The following SEMA3D variants were observed in gnomAD, a reference collection of about 807,000 sequenced individuals.
SEMA3D encodes the protein semaphorin-3D.
SEMA3D carries 84 observed loss-of-function variants against 100.1 expected under a neutral mutation model. The observed-to-expected ratio is 0.84, with a 90% CI of 0.70 to 1.01. The LOEUF (loss-of-function observed/expected upper bound fraction) is 1.01, where lower values mean the gene tolerates loss of function less well. Among genes scored for constraint, SEMA3D ranks in the 50% least tolerant of loss-of-function variants. The pLI, the probability that SEMA3D is intolerant of heterozygous loss-of-function variation, is 0.00. For missense variants in SEMA3D, 875 were observed against 934.1 expected, an observed-to-expected ratio of 0.94 and a Z score of 0.82; for synonymous variants, 312 against 320.7, an observed-to-expected ratio of 0.97 and a Z score of 0.29.
intron 2 of SEMA3D, among the ~76,000 whole-genome samples, chr7:85,138,344 A>G (rs1359186730): frequency 6.6e-6 from 1 of 151,882 alleles, no homozygotes; most frequent in African/African-American, 2.4e-5. Context: ...GCTGGAGTAC[A>G]GTGGCACGAT....
chr7:85,150,269 A>C (rs866412957), intron 2 of SEMA3D, among the ~76,000 whole-genome samples: 49 of 149,738 alleles, frequency 3.3e-4, no homozygotes, highest in South Asian at 1.0e-3. Flanking sequence ...AGGTGTGATG[A>C]AAAAAATTTT....
intron 5 of SEMA3D, among the ~76,000 whole-genome samples, chr7:85,078,442 T>C (rs1787951671): frequency 6.6e-6 from 1 of 152,160 alleles, no homozygotes; most frequent in Admixed American, 6.5e-5. Context: ...GGACAGGCTG[T>C]GCCCCTCTGT....
intron 2 of SEMA3D, chr7:85,151,737 T>C: frequency 1.1e-6 from 1 of 934,650 alleles, no homozygotes; most frequent in South Asian, 4.9e-5. Flanking sequence ...ATATTTTCTG[T>C]TTAGTTCATC....
At chr7:85,005,557 T>A (rs367947334) in intron 18 of SEMA3D, among the ~76,000 whole-genome samples, 1 of 152,072 alleles carries the variant, frequency 6.6e-6, no homozygotes, top group Non-Finnish European at 1.5e-5. Context: ...ATGAAGAGAA[T>A]TATATTAAAT....
chr7:85,210,754 T>G, the SEMA3D span, among the ~76,000 whole-genome samples: 3 of 152,058 alleles, frequency 2.0e-5, no homozygotes, highest in African/African-American at 7.2e-5. Context: ...AGTTGCTATG[T>G]TAGGCTATCC....
intron 6 of SEMA3D, among the ~76,000 whole-genome samples, chr7:85,069,565 C>T (rs1211625490): frequency 1.3e-5 from 2 of 152,096 alleles, no homozygotes; most frequent in East Asian, 3.9e-4. Flanking sequence ...ATTAATGGTG[C>T]TCTGTATTTT....
chr7:85,003,738 A>G (rs1317565326), intron 18 of SEMA3D, among the ~76,000 whole-genome samples: 2 of 152,128 alleles, frequency 1.3e-5, no homozygotes, highest in East Asian at 1.9e-4. Context: ...ACCGAAGCCA[A>G]CAACCAAGAC....
In SEMA3D at chr7:84,999,380, C is replaced by T. The variant is rs1439829825; in HGVS notation, c.*60G>A. 2.9e-6 allele frequency: 4 copies of T among 1,373,294 alleles called. No individual in the cohort carries two copies. 85.1% of individuals were successfully genotyped at this position (1,373,294 alleles called of 1,614,324 possible). ...TTTATGAATTACTATAAGGGATATACAAAACAGAAGGCAATGTTTTTATAG... is the reference window on the plus strand; with the variant it reads ...TTTATGAATTACTATAAGGGATATATAAAACAGAAGGCAATGTTTTTATAG... On this transcript the variant is annotated 3_prime_UTR_variant, in exon 19 of 19. Transcript: ENST00000284136.
the SEMA3D span, among the ~76,000 whole-genome samples, chr7:85,206,981 AATTTGATAAGG>A: frequency 6.6e-6 from 1 of 152,100 alleles, no homozygotes; most frequent in Non-Finnish European, 1.5e-5. Flanking sequence ...TTTAATAAGG[AATTTGATAAGG>A]ATTTGATCTC....
At chr7:85,188,592 C>T (rs779556857), upstream of SEMA3D, among the ~76,000 whole-genome samples, 3 of 151,812 alleles carry the variant, frequency 2.0e-5, no homozygotes, top group Non-Finnish European at 2.9e-5. Context: ...TTTTTTCTCC[C>T]GTATATGGTG....
intron 2 of SEMA3D, among the ~76,000 whole-genome samples, chr7:85,128,904 T>TTA (rs1789640886): frequency 9.8e-6 from 1 of 102,422 alleles, no homozygotes; most frequent in South Asian, 2.9e-4. Context: ...TTTTTTTTTT[T>TTA]AGAGATAGAT....
chr7:85,145,654 G>A (rs1297269920), intron 2 of SEMA3D, among the ~76,000 whole-genome samples: 1 of 152,000 alleles, frequency 6.6e-6, no homozygotes. Context: ...GTGGAAAGAA[G>A]GATCTTTATT....
At chr7:85,076,409 T>C (rs1178434780) in intron 5 of SEMA3D, among the ~76,000 whole-genome samples, 1 of 152,174 alleles carries the variant, frequency 6.6e-6, no homozygotes, top group Non-Finnish European at 1.5e-5. Flanking sequence ...ACTGAATTCA[T>C]ACTTGCAGAG....
chr7:85,228,405 A>G, the SEMA3D span, among the ~76,000 whole-genome samples: 2 of 152,142 alleles, frequency 1.3e-5, no homozygotes, highest in African/African-American at 4.8e-5. Context: ...ACTAAGCGGT[A>G]TGGTATGTTT....
At chr7:85,208,573 T>C in the SEMA3D span, among the ~76,000 whole-genome samples, 27 of 152,098 alleles carry the variant, frequency 1.8e-4, no homozygotes, top group Admixed American at 1.8e-3. Flanking sequence ...GCTTATTTGG[T>C]ATTTGTCAAA....
the SEMA3D span, among the ~76,000 whole-genome samples, chr7:85,208,147 T>C: frequency 3.1e-4 from 47 of 152,054 alleles, no homozygotes; most frequent in South Asian, 8.3e-4. Context: ...ATTTACATAA[T>C]TGCATTTATC....
At chr7:85,145,352 G>T (rs1479609383) in intron 2 of SEMA3D, among the ~76,000 whole-genome samples, 2 of 151,858 alleles carry the variant, frequency 1.3e-5, no homozygotes, top group African/African-American at 4.8e-5. Context: ...GGTTTGGGGG[G>T]GATAGATAAA....
At chr7:85,150,368 T>TATTA (rs1554348719) in intron 2 of SEMA3D, among the ~76,000 whole-genome samples, 3 of 130,038 alleles carry the variant, frequency 2.3e-5, no homozygotes, top group African/African-American at 5.7e-5. Context: ...TATATATATA[T>TATTA]TATATATATA....
the SEMA3D span, among the ~76,000 whole-genome samples, chr7:85,203,468 T>C: frequency 3.3e-5 from 5 of 152,112 alleles, no homozygotes; most frequent in African/African-American, 1.2e-4. Context: ...CAGAATAGAG[T>C]ACAGGCTTAA....
Sources: gnomAD v4.1 joint callset for allele counts (sites outside exome capture counted in the v4.1 genomes callset) on GRCh38, gnomAD v4.1.1 for gene constraint, MANE v1.5 for transcripts, NCBI Gene and HGNC (gene_info 2026-07-23, HGNC 2026-07-21) for gene names.